KDM4C: variants seen among roughly 807,000 people sequenced by gnomAD.
KDM4C encodes lysine demethylase 4C.
In KDM4C, 81 loss-of-function variants were observed where a neutral mutation model predicts 129.3. That is an observed-to-expected ratio of 0.63 (90% confidence interval 0.52 to 0.75). KDM4C has a LOEUF of 0.75. KDM4C is among the 30% of genes least tolerant of loss of function. The probability of loss-of-function intolerance (pLI) is 0.00; values close to 1 mark genes in which losing one functional copy is unlikely to be tolerated. For synonymous variants in KDM4C, 573 were observed against 456.1 expected, an observed-to-expected ratio of 1.26 and a Z score of -3.26; for missense variants, 1,457 against 1,304.0, an observed-to-expected ratio of 1.12 and a Z score of -1.81.
chr9:6,981,012 G>C lies in KDM4C; in HGVS notation c.1009G>C (p.Gly337Arg), dbSNP rs753457012. ...AGACAGATATCAGCTTTGGAAACAAGGAAAGGATATATACACCATTGATCA... is the reference window on the plus strand; with the variant it reads ...AGACAGATATCAGCTTTGGAAACAACGAAAGGATATATACACCATTGATCA... The part of the protein sequence containing the change: ...QPDRYQLWKQ[G>R]KDIYTIDHTK... The change falls in exon 9 of 22, where the codon GGA becomes CGA. Residue 337 changes from glycine (G) to arginine (R), a missense_variant. Coordinates refer to ENST00000381309, the MANE Select transcript of KDM4C (RefSeq NM_015061.6). 7 of 1,613,872 alleles carry C rather than the reference G, an allele frequency of 4.3e-6. No individual in the cohort carries two copies. The East Asian group carries it at 1.3e-4, about 31-fold the overall frequency.
At chr9:6,957,077 A>G (rs1276349737) in intron 8 of KDM4C, among the ~76,000 whole-genome samples, 1 of 152,166 alleles carries the variant, frequency 6.6e-6, no homozygotes, top group Non-Finnish European at 1.5e-5. Flanking sequence ...GGGCTGATTA[A>G]TATGAGCCAT....
At chr9:7,154,219 C>G (rs1260976779) in intron 19 of KDM4C, among the ~76,000 whole-genome samples, 1 of 152,214 alleles carries the variant, frequency 6.6e-6, no homozygotes, top group Non-Finnish European at 1.5e-5. Flanking sequence ...ACGTGGCTGT[C>G]TGTCAGTCTT....
intron 12 of KDM4C, among the ~76,000 whole-genome samples, chr9:7,008,203 A>C (rs1812383029): frequency 6.6e-6 from 1 of 152,100 alleles, no homozygotes; most frequent in African/African-American, 2.4e-5. Flanking sequence ...TCAGATCCCA[A>C]TCTAAGGTCC....
intron 4 of KDM4C, among the ~76,000 whole-genome samples, chr9:6,824,735 A>G (rs974031736): frequency 3.9e-5 from 6 of 152,186 alleles, no homozygotes; most frequent in Admixed American, 2.0e-4. Context: ...CAAGGTGACC[A>G]TAGGGTAGAG....
chr9:6,873,944 GA>G (rs1843180250), intron 5 of KDM4C, among the ~76,000 whole-genome samples: 1 of 127,212 alleles, frequency 7.9e-6, no homozygotes, highest in African/African-American at 3.7e-5. Flanking sequence ...GAGAGAGCGA[GA>G]GAGAGAGAGA....
intron 17 of KDM4C, among the ~76,000 whole-genome samples, chr9:7,055,982 T>G (rs1180174645): frequency 6.6e-6 from 1 of 152,198 alleles, no homozygotes; most frequent in African/African-American, 2.4e-5. Context: ...AGTAGTGTCG[T>G]AAAGGCAATC....
intron 18 of KDM4C, among the ~76,000 whole-genome samples, chr9:7,119,525 A>G (rs1839273956): frequency 6.6e-6 from 1 of 152,158 alleles, no homozygotes; most frequent in Admixed American, 6.5e-5. Context: ...ACAACTTTGT[A>G]ATCAGGATAT....
intron 8 of KDM4C, chr9:6,925,537 C>G: frequency 2.1e-6 from 2 of 933,630 alleles, no homozygotes; most frequent in Non-Finnish European, 2.5e-6. Context: ...ATCAAGCAGT[C>G]CTCCCACCTT....
chr9:6,916,712 G>C lies in KDM4C; in HGVS notation c.921+23480G>C, dbSNP rs529783996. On this transcript the variant is annotated intron_variant, in intron 8 of 21. Transcript: ENST00000381309. ...AGTTCTAACTTACAAAGAGATTTTAGCAGGATGTTTTATTTTATTTCTGTT... is the reference window on the plus strand; with the variant it reads ...AGTTCTAACTTACAAAGAGATTTTACCAGGATGTTTTATTTTATTTCTGTT... Among the ~76,000 whole-genome samples the C allele has an allele frequency of 2.6e-5, 4 of 152,318 alleles. No homozygotes were observed. In the South Asian group the frequency reaches 8.3e-4, roughly 32 times the overall value.
intron 2 of KDM4C, among the ~76,000 whole-genome samples, chr9:6,803,025 T>C (rs915306138): frequency 4.6e-5 from 7 of 152,216 alleles, no homozygotes; most frequent in Admixed American, 4.6e-4. Flanking sequence ...TAGGTATGCA[T>C]ATAGAAGCAT....
intron 4 of KDM4C, among the ~76,000 whole-genome samples, chr9:6,829,059 G>T (rs1480901210): frequency 6.6e-6 from 1 of 152,222 alleles, no homozygotes; most frequent in Non-Finnish European, 1.5e-5. Flanking sequence ...ATTGTGAGAC[G>T]TGTCAGCAAT....
At chr9:6,871,755 G>A (rs961116875) in intron 5 of KDM4C, among the ~76,000 whole-genome samples, 1 of 152,188 alleles carries the variant, frequency 6.6e-6, no homozygotes, top group Non-Finnish European at 1.5e-5. Flanking sequence ...GGGCCTGGCT[G>A]TGGAGCAGGC....
intron 8 of KDM4C, among the ~76,000 whole-genome samples, chr9:6,898,445 T>G (rs76572218): frequency 6.6e-6 from 1 of 152,196 alleles, no homozygotes; most frequent in African/African-American, 2.4e-5. Context: ...AAGGTAATAG[T>G]TGGTGACACA....
intron 12 of KDM4C, among the ~76,000 whole-genome samples, chr9:6,998,821 A>AAAC (rs747457121): frequency 3.9e-5 from 6 of 152,076 alleles, no homozygotes; most frequent in African/African-American, 7.2e-5. Context: ...ACCAACAAAC[A>AAAC]AACAACAACA....
intron 19 of KDM4C, among the ~76,000 whole-genome samples, chr9:7,139,961 T>C (rs907956609): frequency 7.9e-5 from 12 of 152,126 alleles, no homozygotes; most frequent in Non-Finnish European, 1.5e-5. Flanking sequence ...GAAAGGACAC[T>C]TGGAAGAGGG....
intron 4 of KDM4C, among the ~76,000 whole-genome samples, chr9:6,820,070 A>G (rs1292172360): frequency 1.3e-5 from 2 of 152,118 alleles, no homozygotes; most frequent in Non-Finnish European, 2.9e-5. Context: ...TAAGAGAAGT[A>G]ATTTGTGCAA....
intron 18 of KDM4C, among the ~76,000 whole-genome samples, chr9:7,105,116 A>G (rs1837531433): frequency 6.6e-6 from 1 of 152,212 alleles, no homozygotes; most frequent in African/African-American, 2.4e-5. Context: ...TATCCAGTAG[A>G]AAATACATTT....
intron 1 of KDM4C, among the ~76,000 whole-genome samples, chr9:6,722,270 G>A (rs1355228045): frequency 6.6e-6 from 1 of 152,142 alleles, no homozygotes; most frequent in Non-Finnish European, 1.5e-5. Context: ...TGAATTGGGA[G>A]GATTCAGTTT....
intron 2 of KDM4C, among the ~76,000 whole-genome samples, chr9:6,798,404 G>T (rs961838964): frequency 6.6e-6 from 1 of 152,004 alleles, no homozygotes; most frequent in Non-Finnish European, 1.5e-5. Context: ...GAGTGTTTGT[G>T]TCCCTGGGTA....
Sources: gnomAD v4.1 joint callset for allele counts (sites outside exome capture counted in the v4.1 genomes callset) on GRCh38, gnomAD v4.1.1 for gene constraint, MANE v1.5 for transcripts, NCBI Gene and HGNC (gene_info 2026-07-23, HGNC 2026-07-21) for gene names.